UBR4: variants seen among roughly 807,000 people sequenced by gnomAD.
UBR4 encodes the protein E3 ubiquitin-protein ligase UBR4.
A neutral mutation model predicts 575.6 loss-of-function variants in UBR4; 124 were observed. The observed-to-expected ratio is 0.22, with a 90% CI of 0.19 to 0.25. The LOEUF is 0.25. UBR4 is among the 10% of genes least tolerant of loss of function. The pLI is 1.00. For missense variants in UBR4, 4,818 were observed against 6,478.8 expected, an observed-to-expected ratio of 0.74 and a Z score of 8.80; for synonymous variants, 2,455 against 2,473.7, an observed-to-expected ratio of 0.99 and a Z score of 0.22.
At chr1:19,119,311 T>C (rs1570708945) in intron 70 of UBR4, among the ~76,000 whole-genome samples, 1 of 152,354 alleles carries the variant, frequency 6.6e-6, no homozygotes, top group East Asian at 1.9e-4. Context: ...GGAACTGTAA[T>C]GAGTTCTATC....
intron 100 of UBR4, 149 bp downstream of exon 100, chr1:19,086,530 T>C: frequency 3.2e-6 from 4 of 1,258,860 alleles, no homozygotes; most frequent in South Asian, 1.5e-5. Flanking sequence ...TTCAAATAAC[T>C]GCTTGGGGAC....
chr1:19,118,706 A>G, intron 71 of UBR4, 166 bp downstream of exon 71: 2 of 656,114 alleles, frequency 3.0e-6, no homozygotes, highest in Non-Finnish European at 5.3e-6. Flanking sequence ...AGTACCTTCT[A>G]TTTGCAAGAC....
chr1:19,120,720 A>T (rs1254072557), intron 68 of UBR4, among the ~76,000 whole-genome samples: 1 of 152,202 alleles, frequency 6.6e-6, no homozygotes, highest in Admixed American at 6.5e-5. Flanking sequence ...GAGATGTCTG[A>T]TCATTAACTG....
intron 67 of UBR4, among the ~76,000 whole-genome samples, chr1:19,121,658 G>T (rs2081192087): frequency 6.6e-6 from 1 of 152,150 alleles, no homozygotes; most frequent in African/African-American, 2.4e-5. Context: ...TGAATAAGGG[G>T]TTCTCTAGAC....
In UBR4 at chr1:19,156,801, C is replaced by T. The variant is rs2086523646; in HGVS notation, c.5885G>A (p.Cys1962Tyr). ...FTVLSLTGNP[C>Y]KEDYLAVCGL... ...ACAAACCGCCAAGTAGTCTTCCTTG[C>T]AGGGATTTCCTGTGAGGCTCAACAC... The change falls in exon 41 of 106, where the codon TGC becomes TAC. Residue 1962 changes from cysteine to tyrosine, a missense_variant. Physicochemically the swap from Cys to Tyr is radical, Grantham distance 194 (BLOSUM62 -2). Around this residue, in one of 29 missense-constraint regions of UBR4, gnomAD observed 461 missense variants for 606.9 expected, o/e 0.76. Coordinates refer to ENST00000375254, the MANE Select transcript of UBR4 (RefSeq NM_020765.3). The T allele has an allele frequency of 6.2e-7, 1 of 1,613,986 alleles. No homozygotes were observed. Among genetic ancestry groups the T allele is most frequent in the Non-Finnish European group, 8.5e-7 (1 of 1,179,982 alleles).
At position 19,074,534 on chromosome 1, in the gene UBR4, G is replaced by C; in HGVS notation, c.*298C>G. 2.3e-6 allele frequency: 1 copy of C among 440,424 alleles called. No individual in the cohort carries two copies. 27.3% of individuals were successfully genotyped at this position (440,424 alleles called of 1,614,324 possible). ...CTTTTCAATGTGTGTTAAGTCACTTGTTTATTTCTCAAGATGTGCACACTC... is the reference window on the plus strand; with the variant it reads ...CTTTTCAATGTGTGTTAAGTCACTTCTTTATTTCTCAAGATGTGCACACTC... On this transcript the variant is annotated 3_prime_UTR_variant, in exon 106 of 106. Coordinates refer to ENST00000375254, the MANE Select transcript of UBR4 (RefSeq NM_020765.3).
Position 19,094,003 on chromosome 1 carries a change from A to G in UBR4, c.13883T>C (p.Val4628Ala), listed in dbSNP as rs774037493. The G allele has an allele frequency of 9.3e-6, 15 of 1,613,918 alleles. No individual in the cohort carries two copies. The South Asian group carries it at 9.9e-5, about 11-fold the overall frequency. The change falls in exon 95 of 106, where the codon GTG (valine) becomes GCG (alanine). Residue 4628 changes from valine to alanine, a missense_variant. Transcript: ENST00000375254. ...CTCCACCAAGATCTGCATTTTCTCC[A>G]CCTCTCCAAAGGAAAGGTACGGGAT... The part of the protein sequence containing the change: ...RIIPYLSFGE[V>A]EKMQILVERF...
At chr1:19,192,759 G>A (rs1474786583) in intron 9 of UBR4, among the ~76,000 whole-genome samples, 10 of 152,034 alleles carry the variant, frequency 6.6e-5, no homozygotes, top group African/African-American at 2.4e-4. Context: ...CGAATCAAAA[G>A]CAGCATGCCC....
intron 1 of UBR4, among the ~76,000 whole-genome samples, chr1:19,203,574 C>T (rs903688851): frequency 6.6e-6 from 1 of 151,750 alleles, no homozygotes; most frequent in African/African-American, 2.4e-5. Flanking sequence ...GCCTGCAAGA[C>T]TATCTGCCTG....
At chr1:19,132,605 T>TAAAAAAAAGA (rs2082632630) in intron 60 of UBR4, among the ~76,000 whole-genome samples, 1 of 24,134 alleles carries the variant, frequency 4.1e-5, no homozygotes, top group Admixed American at 5.0e-4. Flanking sequence ...TAAAAAATGG[T>TAAAAAAAAGA]AAAAAAAAAA....
At chr1:19,190,536 A>G (rs1487879798) in intron 11 of UBR4, among the ~76,000 whole-genome samples, 4 of 151,852 alleles carry the variant, frequency 2.6e-5, no homozygotes, top group Non-Finnish European at 5.9e-5. Flanking sequence ...TCTGACAGTC[A>G]TCTTACACTC....
intron 26 of UBR4, 141 bp downstream of exon 26, chr1:19,170,621 G>A (rs2150857277): frequency 8.6e-7 from 1 of 1,164,138 alleles, no homozygotes; most frequent in East Asian, 2.5e-5. Flanking sequence ...GATCAAAATA[G>A]ACAAACCTAC....
In UBR4 at chr1:19,111,122, T is replaced by A. The variant is rs182755825; in HGVS notation, c.11802-290A>T. ...GCGACAGAGCCCCTGCTGTCTGGTG[T>A]GACACAGTCTCCAAAACCTAGACGT... On this transcript the variant is annotated intron_variant, in intron 78 of 105. Coordinates refer to ENST00000375254, the MANE Select transcript of UBR4 (RefSeq NM_020765.3). 3.4e-4 allele frequency among the ~76,000 whole-genome samples: 52 copies of A among 152,350 alleles called. 1 individual carries two copies. The highest frequency in any genetic ancestry group is 1.2e-3 in the African/African-American group (49 of 41,584).
At chr1:19,182,595 T>A (rs1339648420) in intron 17 of UBR4, among the ~76,000 whole-genome samples, 1 of 152,184 alleles carries the variant, frequency 6.6e-6, no homozygotes, top group Non-Finnish European at 1.5e-5. Flanking sequence ...CAGCAATGCA[T>A]CAAGAATTCC....
chr1:19,183,450 G>A (rs559582030), intron 17 of UBR4, among the ~76,000 whole-genome samples: 10 of 152,294 alleles, frequency 6.6e-5, no homozygotes, highest in East Asian at 1.9e-4. Flanking sequence ...GGCCGGGCGC[G>A]GTGGCTCACG....
chr1:19,184,581 T>G (rs2091343108), intron 15 of UBR4, among the ~76,000 whole-genome samples: 1 of 152,194 alleles, frequency 6.6e-6, no homozygotes, highest in Non-Finnish European at 1.5e-5. Flanking sequence ...TAAAATTAAA[T>G]TGAATTATTG....
intron 103 of UBR4, chr1:19,078,271 T>C (rs535655885): frequency 1.5e-5 from 8 of 526,330 alleles, no homozygotes; most frequent in Admixed American, 6.6e-5. Flanking sequence ...GTTACAAAAA[T>C]GCTCCATGAA....
Position 19,121,327 on chromosome 1 carries a change from C to A in UBR4, c.10003G>T (p.Ala3335Ser). 6.8e-6 allele frequency: 11 copies of A among 1,614,216 alleles called. No individual in the cohort carries two copies. The highest frequency in any genetic ancestry group is 9.3e-6 in the Non-Finnish European group (11 of 1,180,036). ...GAGGATCCCGAAGAGGCTGCCAGTG[C>A]AGCGAGCACCTTGCTGCCGCACAGA... The part of the protein sequence containing the change: ...CALCGSKVLA[A>S]LAASSGSSSA... Residue 3335 changes from alanine (A) to serine (S), a missense_variant, in exon 68 of 106, where the codon GCA becomes TCA. Ala to Ser is a moderately conservative substitution (Grantham distance 99). Coordinates refer to ENST00000375254, the MANE Select transcript of UBR4 (RefSeq NM_020765.3).
In UBR4 at chr1:19,152,180, A is replaced by AT; in HGVS notation, c.6996+132dup. The AT allele has an allele frequency of 2.3e-6, 3 of 1,325,822 alleles. No individual in the cohort carries two copies. Among genetic ancestry groups the AT allele is most frequent in the Non-Finnish European group, 3.1e-6 (3 of 964,184 alleles). The allele number at this position is 1,325,822 out of a possible 1,614,324, so 82.1% of individuals were successfully genotyped here. On this transcript the variant is annotated intron_variant, in intron 47 of 105. Transcript: ENST00000375254. This position sits in a 1 kb window ranked among gnomAD's most constrained non-coding sequence, Gnocchi z 4.4. ...AGAATATCCATTTTTCTAAGGAACC[A>AT]TTTAACTAGAACCGAGGGTTGTGAC...
Sources: gnomAD v4.1 joint callset for allele counts (sites outside exome capture counted in the v4.1 genomes callset) on GRCh38, gnomAD v4.1.1 for gene constraint, gnomAD v4.1.1 regional missense constraint, Gnocchi (gnomAD v3.1) non-coding constraint, MANE v1.5 for transcripts, NCBI Gene and HGNC (gene_info 2026-07-23, HGNC 2026-07-21) for gene names.